Variants in ARHGEF28 observed in about 807,000 individuals in gnomAD.
ARHGEF28 encodes Rho guanine nucleotide exchange factor 28.
ARHGEF28 carries 152 observed loss-of-function variants against 206.6 expected under a neutral mutation model. The ratio of observed to expected loss-of-function variants is 0.74; its 90% CI spans 0.64 to 0.84. The LOEUF is 0.84. Ranked by LOEUF, ARHGEF28 falls within the 40% of genes least tolerant of loss-of-function variation. ARHGEF28 has a pLI of 0.00. For synonymous variants in ARHGEF28, 763 were observed against 776.4 expected (o/e 0.98, Z 0.29); for missense variants, 2,028 against 2,073.2 (o/e 0.98, Z 0.42).
intron 2 of ARHGEF28, among the ~76,000 whole-genome samples, chr5:73,741,448 C>A (rs1751427984): frequency 8.4e-6 from 1 of 118,860 alleles, no homozygotes; most frequent in Non-Finnish European, 1.7e-5. Flanking sequence ...TATATGTATA[C>A]TCACTCTGTT....
intron 1 of ARHGEF28, among the ~76,000 whole-genome samples, chr5:73,666,211 A>G (rs1286962377): frequency 2.0e-5 from 3 of 152,244 alleles, no homozygotes; most frequent in Non-Finnish European, 4.4e-5. Flanking sequence ...TCTTAAAGCC[A>G]GAGGATAATC....
At chr5:73,766,162 A>T (rs1032381581) in intron 4 of ARHGEF28, among the ~76,000 whole-genome samples, 4 of 150,048 alleles carry the variant, frequency 2.7e-5, no homozygotes, top group Non-Finnish European at 4.5e-5. Flanking sequence ...TCAAAAAAAA[A>T]AAAACAAAAA....
intron 11 of ARHGEF28, 99 bp from the exon 12 acceptor site, chr5:73,846,169 C>A (rs78289077): frequency 3.3e-5 from 37 of 1,110,116 alleles, no homozygotes; most frequent in African/African-American, 1.9e-4. Flanking sequence ...TTGCACCCCC[C>A]CCGCCCCAGT....
intron 2 of ARHGEF28, among the ~76,000 whole-genome samples, chr5:73,724,060 G>A (rs1456618211): frequency 6.6e-6 from 1 of 152,172 alleles, no homozygotes; most frequent in Non-Finnish European, 1.5e-5. Context: ...ATCCCAGGCA[G>A]GCCTGAGCAT....
At chr5:73,679,123 A>C (rs934093011) in intron 1 of ARHGEF28, among the ~76,000 whole-genome samples, 1 of 152,206 alleles carries the variant, frequency 6.6e-6, no homozygotes, top group African/African-American at 2.4e-5. Flanking sequence ...ACTCCATGAC[A>C]TGTTCTCTTT....
Position 73,858,054 on chromosome 5 carries a change from C to T in ARHGEF28, c.1915-33C>T, listed in dbSNP as rs747365408. The T allele has an allele frequency of 6.4e-6, 10 of 1,567,126 alleles. No homozygotes were observed. In the South Asian group the frequency reaches 8.5e-5, roughly 13 times the overall value. On this transcript the variant is annotated intron_variant, in intron 15 of 35. Transcript: ENST00000513042. Reference sequence around the variant, plus strand: ...CAGCGTTTTCCTTTTCTCATTTTTCCCCACTTTCCTACTGCTGCTGCTGCA... The same window carrying T: ...CAGCGTTTTCCTTTTCTCATTTTTCTCCACTTTCCTACTGCTGCTGCTGCA...
At chr5:73,813,373 T>G (rs1349952834) in intron 9 of ARHGEF28, 1 of 928,904 alleles carries the variant, frequency 1.1e-6, no homozygotes, top group African/African-American at 1.7e-5. Flanking sequence ...TAGTTTGGCT[T>G]TAATATTTAC....
chr5:73,808,268 G>C (rs1472076575), intron 9 of ARHGEF28, among the ~76,000 whole-genome samples: 3 of 152,052 alleles, frequency 2.0e-5, no homozygotes, highest in Non-Finnish European at 4.4e-5. Flanking sequence ...GGGGAGGTAG[G>C]GAGGAAAATC....
At chr5:73,904,038 T>C (rs754332865) in intron 31 of ARHGEF28, 184 bp from the exon 32 acceptor site, 88 of 607,882 alleles carry the variant, frequency 1.4e-4, no homozygotes, top group Non-Finnish European at 1.2e-4. Context: ...ACGCTCTTGT[T>C]GTCAAGTGTT....
chr5:73,682,535 A>G (rs1048255674), intron 1 of ARHGEF28, among the ~76,000 whole-genome samples: 2 of 151,528 alleles, frequency 1.3e-5, no homozygotes, highest in African/African-American at 4.9e-5. Context: ...CTCCTGCCTC[A>G]GCCTCCAGCT....
intron 27 of ARHGEF28, among the ~76,000 whole-genome samples, chr5:73,892,510 T>G (rs1161569896): frequency 6.6e-6 from 1 of 152,224 alleles, no homozygotes; most frequent in East Asian, 1.9e-4. Flanking sequence ...GGTGATCTCT[T>G]TCTTGCCTGA....
intron 6 of ARHGEF28, among the ~76,000 whole-genome samples, chr5:73,779,392 A>G (rs1364010442): frequency 1.4e-4 from 22 of 152,248 alleles, no homozygotes. Context: ...TTCAAGGTAT[A>G]TTCAAAATTA....
intron 2 of ARHGEF28, among the ~76,000 whole-genome samples, chr5:73,702,628 G>A (rs1185269770): frequency 6.6e-6 from 1 of 152,180 alleles, no homozygotes. Context: ...CTTTCCTACA[G>A]TGGCTGCACC....
chr5:73,652,721 A>G (rs1015340594), intron 1 of ARHGEF28, among the ~76,000 whole-genome samples: 2 of 152,250 alleles, frequency 1.3e-5, no homozygotes, highest in Admixed American at 6.5e-5. Flanking sequence ...TACATCTGGA[A>G]TCCTTTAAAG....
At chr5:73,924,362 T>C (rs567181098) in intron 35 of ARHGEF28, among the ~76,000 whole-genome samples, 1 of 152,340 alleles carries the variant, frequency 6.6e-6, no homozygotes, top group East Asian at 1.9e-4. Context: ...AGCAGGTGTT[T>C]AAACTTACTT....
intron 9 of ARHGEF28, among the ~76,000 whole-genome samples, chr5:73,821,485 T>C (rs1325959810): frequency 6.6e-6 from 1 of 152,014 alleles, no homozygotes; most frequent in Non-Finnish European, 1.5e-5. Context: ...AGAAAATCAT[T>C]TTTGTGTGCC....
rs1264242716 is a variant in ARHGEF28 at position 73,879,718 on chromosome 5, C to T, written c.2815-2754C>T. 2.6e-5 allele frequency among the ~76,000 whole-genome samples: 4 copies of T among 152,184 alleles called. No individual in the cohort carries two copies. In the East Asian group the frequency reaches 7.7e-4, roughly 29 times the overall value. ...CAGACCCTGTTTGCCTGGGTATCAG[C>T]AGCGGTGTCTGCAGAAATGTGGATT... On this transcript the variant is annotated intron_variant, in intron 22 of 35. Coordinates refer to ENST00000513042, the MANE Select transcript of ARHGEF28 (RefSeq NM_001177693.2).
chr5:73,678,797 TA>T (rs139655302), intron 1 of ARHGEF28, among the ~76,000 whole-genome samples: 5,109 of 147,710 alleles, frequency 0.035, 313 homozygotes, highest in African/African-American at 0.12. Context: ...CTTATCAAGT[TA>T]AAAAAAAAAG....
At chr5:73,881,899 A>G (rs545904434) in intron 22 of ARHGEF28, among the ~76,000 whole-genome samples, 1 of 152,318 alleles carries the variant, frequency 6.6e-6, no homozygotes, top group Admixed American at 6.5e-5. Context: ...CTGGTTATTC[A>G]CTGGTGTCTT....
Sources: allele counts gnomAD v4.1 joint callset (sites outside exome capture counted in the v4.1 genomes callset), GRCh38; gene constraint gnomAD v4.1.1; transcripts MANE v1.5; gene names NCBI Gene and HGNC (gene_info 2026-07-23, HGNC 2026-07-21).